Variants in TTLL11 observed in about 807,000 individuals in gnomAD.
TTLL11 encodes the protein tubulin tyrosine ligase like 11.
A neutral mutation model predicts 51.7 loss-of-function variants in TTLL11; 42 were observed. The observed-to-expected ratio is 0.81, with a 90% confidence interval of 0.64 to 1.05. The LOEUF (loss-of-function observed/expected upper bound fraction) is 1.05, where lower values mean the gene tolerates loss of function less well. Among genes scored for constraint, TTLL11 ranks in the 50% least tolerant of loss-of-function variants. TTLL11 has a pLI of 0.00. For synonymous variants in TTLL11, 381 were observed against 383.5 expected (o/e 0.99, Z 0.08); for missense variants, 799 against 940.4 (o/e 0.85, Z 1.97).
chr9:121,968,059 T>C (rs1448823529), intron 6 of TTLL11, among the ~76,000 whole-genome samples: 1 of 152,216 alleles, frequency 6.6e-6, no homozygotes, highest in Non-Finnish European at 1.5e-5. Flanking sequence ...GAGCTAGTGG[T>C]GACGGTTGCA....
chr9:121,928,196 CT>C (rs758600074), intron 6 of TTLL11, among the ~76,000 whole-genome samples: 8 of 152,298 alleles, frequency 5.3e-5, no homozygotes, highest in Admixed American at 2.6e-4. Context: ...TGTCAATCAG[CT>C]CCTCCTTGGT....
At chr9:121,953,749 G>A (rs1841932078) in intron 6 of TTLL11, among the ~76,000 whole-genome samples, 2 of 150,446 alleles carry the variant, frequency 1.3e-5, no homozygotes, top group Admixed American at 1.3e-4. Context: ...CCACAAAAAA[G>A]TAAGCAAAGC....
At chr9:121,877,068 C>A (rs1327971977) in intron 6 of TTLL11, among the ~76,000 whole-genome samples, 1 of 152,206 alleles carries the variant, frequency 6.6e-6, no homozygotes, top group African/African-American at 2.4e-5. Flanking sequence ...TCCCAGGCAG[C>A]CCCGTGGCTT....
At chr9:121,991,335 C>T (rs901358026) in intron 3 of TTLL11, among the ~76,000 whole-genome samples, 3 of 152,226 alleles carry the variant, frequency 2.0e-5, no homozygotes, top group African/African-American at 7.2e-5. Context: ...TAATGGTCCA[C>T]ATCAATTGTT....
chr9:122,007,432 G>A (rs953788724), intron 3 of TTLL11, among the ~76,000 whole-genome samples: 3 of 146,870 alleles, frequency 2.0e-5, no homozygotes, highest in Admixed American at 7.0e-5. Context: ...CCAAGATCAC[G>A]CCGCTGCACT....
chr9:121,943,451 T>TA (rs1275087950), intron 6 of TTLL11, among the ~76,000 whole-genome samples: 2 of 152,140 alleles, frequency 1.3e-5, no homozygotes, highest in African/African-American at 4.8e-5. Context: ...CCCAAACACT[T>TA]ACCTCTCCCA....
chr9:122,054,941 TC>T (rs1444039197), intron 1 of TTLL11, among the ~76,000 whole-genome samples: 1 of 152,168 alleles, frequency 6.6e-6, no homozygotes, highest in Non-Finnish European at 1.5e-5. Flanking sequence ...GGGCAGCTTT[TC>T]CCCAGTTATC....
At chr9:121,957,385 C>T (rs189535926) in intron 6 of TTLL11, among the ~76,000 whole-genome samples, 1 of 152,322 alleles carries the variant, frequency 6.6e-6, no homozygotes, top group African/African-American at 2.4e-5. Flanking sequence ...CATCTCCCCG[C>T]CCCCTCTTTC....
chr9:121,904,665 T>C (rs112151505), intron 6 of TTLL11, among the ~76,000 whole-genome samples: 209 of 152,346 alleles, frequency 1.4e-3, no homozygotes, highest in African/African-American at 4.7e-3. Flanking sequence ...CCCATCCTCA[T>C]GGAGCCAGGT....
chr9:121,935,482 CA>C (rs1358763195), intron 6 of TTLL11, among the ~76,000 whole-genome samples: 1 of 152,144 alleles, frequency 6.6e-6, no homozygotes, highest in African/African-American at 2.4e-5. Context: ...AAGGCCTTGT[CA>C]GGCATTTAAA....
At chr9:122,070,015 G>A (rs576151381) in intron 1 of TTLL11, among the ~76,000 whole-genome samples, 16 of 149,558 alleles carry the variant, frequency 1.1e-4, no homozygotes, top group South Asian at 2.1e-4. Context: ...ACACACACGC[G>A]CACACACACA....
intron 7 of TTLL11, among the ~76,000 whole-genome samples, chr9:121,866,049 T>A (rs1244456658): frequency 6.6e-6 from 1 of 152,194 alleles, no homozygotes; most frequent in South Asian, 2.1e-4. Flanking sequence ...GTAGAACAGA[T>A]GAAAAGCAAG....
At chr9:122,054,251 A>G (rs933109050) in intron 1 of TTLL11, among the ~76,000 whole-genome samples, 1 of 152,046 alleles carries the variant, frequency 6.6e-6, no homozygotes, top group Non-Finnish European at 1.5e-5. Flanking sequence ...ACTTTTAATG[A>G]GATCAAAATT....
At chr9:121,957,387 C>T (rs1367447272) in intron 6 of TTLL11, among the ~76,000 whole-genome samples, 1 of 152,198 alleles carries the variant, frequency 6.6e-6, no homozygotes, top group African/African-American at 2.4e-5. Context: ...TCTCCCCGCC[C>T]CCTCTTTCCT....
intron 6 of TTLL11, among the ~76,000 whole-genome samples, chr9:121,941,034 C>T (rs1269791103): frequency 2.6e-5 from 4 of 152,140 alleles, no homozygotes; most frequent in African/African-American, 9.7e-5. Flanking sequence ...AAGATTCTAC[C>T]GTTCACATCC....
chr9:121,916,766 C>T (rs953745239), intron 6 of TTLL11, among the ~76,000 whole-genome samples: 2 of 152,130 alleles, frequency 1.3e-5, no homozygotes, highest in Admixed American at 1.3e-4. Context: ...TAGTTGATGA[C>T]AGTCAAGAGG....
chr9:121,830,617 A>C (rs1836973428), intron 8 of TTLL11, among the ~76,000 whole-genome samples: 1 of 152,244 alleles, frequency 6.6e-6, no homozygotes, highest in African/African-American at 2.4e-5. Context: ...CTGAAAAGCC[A>C]TGGAATGGTT....
intron 8 of TTLL11, among the ~76,000 whole-genome samples, chr9:121,832,801 A>G (rs1296172725): frequency 1.3e-5 from 2 of 152,156 alleles, no homozygotes; most frequent in Non-Finnish European, 2.9e-5. Flanking sequence ...TTAACTAGGC[A>G]TGGTGGCACG....
rs558911042 is a variant in TTLL11, at chr9:122,021,838, G to T, written c.693+9885C>A. 2.6e-5 allele frequency among the ~76,000 whole-genome samples: 4 copies of T among 152,254 alleles called. No individual in the cohort carries two copies. In the East Asian group the frequency reaches 5.8e-4, roughly 22 times the overall value. ...AAAACATCGTGATATGGGCCACAAT[G>T]AAGAGAAAAATCAAAACCAACTCAG... On this transcript the variant is annotated intron_variant, in intron 3 of 8. Coordinates refer to ENST00000321582, the MANE Select transcript of TTLL11 (RefSeq NM_001139442.2).
Sources: allele counts gnomAD v4.1 joint callset (sites outside exome capture counted in the v4.1 genomes callset), GRCh38; gene constraint gnomAD v4.1.1; transcripts MANE v1.5; gene names NCBI Gene and HGNC (gene_info 2026-07-23, HGNC 2026-07-21).